Variants in ZYG11A observed in about 807,000 individuals in gnomAD.
ZYG11A encodes the protein protein zyg-11 homolog A.
In ZYG11A, 62 loss-of-function variants were observed where a neutral mutation model predicts 77.2. That is an observed-to-expected ratio of 0.80 (90% CI 0.65 to 0.99). The LOEUF (loss-of-function observed/expected upper bound fraction) is 0.99. ZYG11A is among the 50% of genes least tolerant of loss of function. The pLI is 0.00. For synonymous variants in ZYG11A, 315 were observed against 324.6 expected (o/e 0.97, Z 0.32); for missense variants, 828 against 896.8 (o/e 0.92, Z 0.98).
At chr1:52,869,445 T>C (rs1646096267) in intron 8 of ZYG11A, among the ~76,000 whole-genome samples, 1 of 151,530 alleles carries the variant, frequency 6.6e-6, no homozygotes, top group Non-Finnish European at 1.5e-5. Context: ...TGGTGATGAC[T>C]CTTAACGAGC....
rs578242800 is a variant in ZYG11A at position 52,894,771 on chromosome 1, A to G, written c.*1814A>G. 1.8e-4 allele frequency: 28 copies of G among 152,204 alleles called. No homozygotes were observed. Among genetic ancestry groups the G allele is most frequent in the African/African-American group, 6.7e-4 (28 of 41,518 alleles). 9.4% of individuals were successfully genotyped at this position (152,204 alleles called of 1,614,324 possible). On this transcript the variant is annotated 3_prime_UTR_variant, in exon 14 of 14. Transcript: ENST00000371528. ...TTCCATAGTCCTTAAACTGTACTGT[A>G]TTTTTTCACACTCTTGCATGATTCC...
chr1:52,867,924 G>T (rs1230445303), intron 8 of ZYG11A, 147 bp downstream of exon 8: 4 of 443,854 alleles, frequency 9.0e-6, no homozygotes, highest in Admixed American at 4.3e-5. Context: ...TTCTAATTTT[G>T]TAGCTATTTC....
At chr1:52,851,818 G>C (rs1645717644) in intron 1 of ZYG11A, among the ~76,000 whole-genome samples, 1 of 151,570 alleles carries the variant, frequency 6.6e-6, no homozygotes, top group Non-Finnish European at 1.5e-5. Flanking sequence ...TGTGATCTCA[G>C]CTCACTGCAA....
chr1:52,892,101 G>C (rs1314133723), intron 13 of ZYG11A, among the ~76,000 whole-genome samples: 2 of 149,348 alleles, frequency 1.3e-5, no homozygotes, highest in East Asian at 2.0e-4. Flanking sequence ...GGGTTTCACC[G>C]TGTTAGCCAG....
rs531311768 is a variant in ZYG11A at position 52,883,064 on chromosome 1, C to CT, written c.1944+1400dup. Among the ~76,000 whole-genome samples the CT allele has an allele frequency of 9.3e-5, 14 of 151,100 alleles. No homozygotes were observed. In the East Asian group the frequency reaches 2.7e-3, roughly 29 times the overall value. On this transcript the variant is annotated intron_variant, in intron 11 of 13. Transcript: ENST00000371528. ...AATATCCTGTTTTTGTTTCATAGTTCTATATCTATTTTTCTCTTTGAACGT... is the reference window on the plus strand; with the variant it reads ...AATATCCTGTTTTTGTTTCATAGTTCTTATATCTATTTTTCTCTTTGAACGT...
At chr1:52,860,953 TAAA>T in intron 4 of ZYG11A, 82 bp downstream of exon 4, 3 of 1,321,752 alleles carry the variant, frequency 2.3e-6, no homozygotes, top group Non-Finnish European at 3.1e-6. Context: ...CTGAATATAA[TAAA>T]TTATATGCTT....
intron 5 of ZYG11A, among the ~76,000 whole-genome samples, chr1:52,864,522 T>C (rs182142594): frequency 2.0e-5 from 3 of 152,338 alleles, no homozygotes; most frequent in African/African-American, 7.2e-5. Context: ...TTTCTAACTT[T>C]AGGATAAATA....
chr1:52,884,493 CAA>C (rs533428837), intron 11 of ZYG11A, among the ~76,000 whole-genome samples: 5 of 98,918 alleles, frequency 5.1e-5, no homozygotes, highest in Admixed American at 1.1e-4. Context: ...GAGACTGCCT[CAA>C]AAAAAAAAAA....
intron 13 of ZYG11A, among the ~76,000 whole-genome samples, chr1:52,890,999 A>G (rs1262135009): frequency 6.6e-6 from 1 of 151,788 alleles, no homozygotes; most frequent in East Asian, 1.9e-4. Flanking sequence ...CCTGGGTTCA[A>G]GTGACTCTCC....
At chr1:52,883,903 A>G (rs989773416) in intron 11 of ZYG11A, among the ~76,000 whole-genome samples, 3 of 150,032 alleles carry the variant, frequency 2.0e-5, no homozygotes, top group African/African-American at 7.4e-5. Flanking sequence ...AGAATGTGTC[A>G]GAGGCTTGCT....
At chr1:52,849,888 G>A (rs1645674821) in intron 1 of ZYG11A, among the ~76,000 whole-genome samples, 1 of 149,614 alleles carries the variant, frequency 6.7e-6, no homozygotes, top group South Asian at 2.1e-4. Context: ...GTTTCACCGT[G>A]TTAGCCAGGA....
At chr1:52,860,397 T>C (rs914725101) in intron 3 of ZYG11A, among the ~76,000 whole-genome samples, 1 of 151,858 alleles carries the variant, frequency 6.6e-6, no homozygotes, top group Non-Finnish European at 1.5e-5. Flanking sequence ...TATTTAGATC[T>C]TTACTTTCTC....
Position 52,854,493 on chromosome 1 carries a change from A to T in ZYG11A, c.119A>T (p.Asn40Ile), listed in dbSNP as rs1645770567. Residue 40 changes from asparagine (N) to isoleucine (I), a missense_variant, in exon 2 of 14, where the codon AAC (asparagine) becomes ATC (isoleucine). Physicochemically the swap from Asn to Ile is moderately radical, Grantham distance 149. Transcript: ENST00000371528. The stretch of plus-strand genomic sequence containing the variant: ...GAGGCATCTCCCTACACTTTGGTCA[A>T]CATCTGCCTGAATGTCCTGATTGCT... ...QEEASPYTLV[N>I]ICLNVLIANL... 7 of 1,550,342 alleles carry T rather than the reference A, an allele frequency of 4.5e-6. No homozygotes were observed. Among genetic ancestry groups the T allele is most frequent in the Non-Finnish European group, 6.1e-6 (7 of 1,145,892 alleles).
At chr1:52,847,672 T>G (rs1423338108) in intron 1 of ZYG11A, among the ~76,000 whole-genome samples, 2 of 150,844 alleles carry the variant, frequency 1.3e-5, no homozygotes, top group Non-Finnish European at 3.0e-5. Context: ...GTACTTTGTT[T>G]TTTTTTTTTT....
intron 1 of ZYG11A, among the ~76,000 whole-genome samples, chr1:52,849,006 G>T (rs1285469382): frequency 6.6e-6 from 1 of 152,082 alleles, no homozygotes. Flanking sequence ...AGTATAAGAC[G>T]TTGTCCTTAT....
chr1:52,875,202 C>T (rs1646240101), intron 8 of ZYG11A, among the ~76,000 whole-genome samples: 1 of 152,040 alleles, frequency 6.6e-6, no homozygotes, highest in South Asian at 2.1e-4. Context: ...CAGAGTTGAC[C>T]ATTGGATTTG....
At position 52,856,325 on chromosome 1, in the gene ZYG11A, G is replaced by A. The variant is rs1350969346; in HGVS notation, c.257-673G>A. ...TCTCACCATAGAAGATGTGTAGTAG[G>A]CCAGGTGCAGTGCCTGTAGTCCCAG... On this transcript the variant is annotated intron_variant, in intron 2 of 13. Transcript: ENST00000371528. 7.2e-5 allele frequency among the ~76,000 whole-genome samples: 11 copies of A among 151,970 alleles called. No individual in the cohort carries two copies. In the East Asian group the frequency reaches 2.1e-3, roughly 29 times the overall value.
chr1:52,886,061 T>A (rs1646444714), intron 12 of ZYG11A, among the ~76,000 whole-genome samples, 167 bp downstream of exon 12: 1 of 152,046 alleles, frequency 6.6e-6, no homozygotes, highest in Non-Finnish European at 1.5e-5. Context: ...GCCTCCCGAG[T>A]AGCTGGGACT....
chr1:52,845,489 A>G (rs1471321611), intron 1 of ZYG11A, among the ~76,000 whole-genome samples: 1 of 151,448 alleles, frequency 6.6e-6, no homozygotes, highest in Non-Finnish European at 1.5e-5. Flanking sequence ...GTATTTTTGT[A>G]GAGACAGGTA....
Sources: gnomAD v4.1 joint callset for allele counts (sites outside exome capture counted in the v4.1 genomes callset) on GRCh38, gnomAD v4.1.1 for gene constraint, MANE v1.5 for transcripts, NCBI Gene and HGNC (gene_info 2026-07-23, HGNC 2026-07-21) for gene names.